Variants in ATG2A observed in about 807,000 individuals in gnomAD.
ATG2A encodes the protein autophagy-related protein 2 homolog A.
A neutral mutation model predicts 214.2 loss-of-function variants in ATG2A; 103 were observed. That is an observed-to-expected ratio of 0.48 (90% CI 0.41 to 0.57). The LOEUF is 0.57. Among genes scored for constraint, ATG2A ranks in the 20% least tolerant of loss-of-function variants. ATG2A has a pLI of 0.00. For synonymous variants in ATG2A, 1,160 were observed against 1,142.1 expected, an observed-to-expected ratio of 1.02 and a Z score of -0.32; for missense variants, 2,312 against 2,613.2, an observed-to-expected ratio of 0.88 and a Z score of 2.51.
At chr11:64,912,961 T>C (rs1292790953) in intron 6 of ATG2A, 77 bp downstream of exon 6, 1 of 1,057,260 alleles carries the variant, frequency 9.5e-7, no homozygotes, top group Non-Finnish European at 1.4e-6. Flanking sequence ...CTGTGGGCTG[T>C]AGATAATCAG....
chr11:64,916,992 G>C lies in ATG2A; in HGVS notation c.144C>G (p.Ala48=). Residue 48 remains alanine, a synonymous_variant, in exon 1 of 41, where the codon GCC becomes GCG. Transcript: ENST00000377264. ...AGATTTCCAGGTGGATGTCTCGCAGGGCAACGCTGCCCTTGTACAGATCGA... is the reference window on the plus strand; with the variant it reads ...AGATTTCCAGGTGGATGTCTCGCAGCGCAACGCTGCCCTTGTACAGATCGA... The part of the protein sequence containing the change: ...LSLDLYKGSV[A]LRDIHLEIWS... 1 of 1,613,694 alleles carries C rather than the reference G, an allele frequency of 6.2e-7. No individual in the cohort carries two copies. Among genetic ancestry groups the C allele is most frequent in the Non-Finnish European group, 8.5e-7 (1 of 1,179,998 alleles).
At position 64,894,925 on chromosome 11, in the gene ATG2A, C is replaced by T. The variant is rs764231300; in HGVS notation, c.*48G>A. ...CCCGTGGGCTGCAGCTCTTGGGAGG[C>T]TCAGGAGCATGGTGGGCAGCACCCT... On this transcript the variant is annotated 3_prime_UTR_variant, in exon 41 of 41. Coordinates refer to ENST00000377264, the MANE Select transcript of ATG2A (RefSeq NM_015104.3). 6.2e-6 allele frequency: 10 copies of T among 1,604,724 alleles called. No homozygotes were observed. The highest frequency in any genetic ancestry group is 2.7e-5 in the African/African-American group (2 of 74,838).
intron 19 of ATG2A, 22 bp downstream of exon 19, chr11:64,907,233 G>A (rs566001358): frequency 5.4e-6 from 8 of 1,469,600 alleles, no homozygotes; most frequent in Middle Eastern, 4.3e-4. Context: ...TTTGGGGCCC[G>A]CCTGCCCGGG....
At position 64,909,345 on chromosome 11, in the gene ATG2A, C is replaced by G; in HGVS notation, c.2130G>C (p.Lys710Asn). 1 of 1,613,446 alleles carries G rather than the reference C, an allele frequency of 6.2e-7. No homozygotes were observed. The highest frequency in any genetic ancestry group is 8.5e-7 in the Non-Finnish European group (1 of 1,179,984). The change falls in exon 15 of 41, where the codon AAG (lysine) becomes AAC (asparagine). Residue 710 changes from lysine (K) to asparagine (N), a missense_variant. Transcript: ENST00000377264. ...AGACACGCAGGCAAGGGACAGGTGG[C>G]TTCCCTCCATCTTCATAGATACCTG... ...DLHGIYEDGG[K>N]PPVPCLRVSK...
At chr11:64,911,578 T>G (rs994638616) in intron 9 of ATG2A, among the ~76,000 whole-genome samples, 3 of 152,214 alleles carry the variant, frequency 2.0e-5, no homozygotes, top group Admixed American at 1.3e-4. Context: ...TGGCAAAGGC[T>G]GATCTCACCC....
In ATG2A at chr11:64,900,588, C is replaced by T. The variant is rs147598848; in HGVS notation, c.4370G>A (p.Arg1457His). Residue 1457 changes from arginine to histidine, a missense_variant, in exon 31 of 41, where the codon CGC becomes CAC. Arg to His is a conservative substitution (Grantham distance 29). Transcript: ENST00000377264. ...CTGGGGCCGGTTGGGGCCAGAGCAG[C>T]GGGAAGGGGAGCTCCTGGGACCTGA... ...GLSGPRSSPS[R>H]CSGPNRPQNS... 98 of 1,612,406 alleles carry T rather than the reference C, an allele frequency of 6.1e-5. No homozygotes were observed. The highest frequency in any genetic ancestry group is 7.8e-5 in the Non-Finnish European group (92 of 1,179,574).
In ATG2A at chr11:64,902,382, G is replaced by C; in HGVS notation, c.3782C>G (p.Ser1261Trp). 2.5e-6 allele frequency: 4 copies of C among 1,571,488 alleles called. No homozygotes were observed. The highest frequency in any genetic ancestry group is 1.2e-5 in the South Asian group (1 of 86,498). The change falls in exon 28 of 41, where the codon TCG becomes TGG. Residue 1261 changes from serine (S) to tryptophan (W), a missense_variant. Coordinates refer to ENST00000377264, the MANE Select transcript of ATG2A (RefSeq NM_015104.3). ...SPTEIAGQKLSESPASLPSCP... is the reference protein window; with the variant it reads ...SPTEIAGQKLWESPASLPSCP... ...CGAGGGCAGAGAGGCAGGACTCTCC[G>C]AGAGCTGGGCCAGGCAGGGGAGGAG...
At chr11:64,904,874 G>A (rs546374041) in intron 24 of ATG2A, among the ~76,000 whole-genome samples, 1 of 150,692 alleles carries the variant, frequency 6.6e-6, no homozygotes, top group Non-Finnish European at 1.5e-5. Context: ...GTATTTATTT[G>A]AGACGGAGTC....
chr11:64,917,067 G>A lies in ATG2A; in HGVS notation c.69C>T (p.His23=), dbSNP rs778849083. The change falls in exon 1 of 41, where the codon CAC becomes CAT. Residue 23 remains histidine, a synonymous_variant. Coordinates refer to ENST00000377264, the MANE Select transcript of ATG2A (RefSeq NM_015104.3). ...GCTCTTGGAAGAAGTGACCTAAGTA[G>A]TGGTGCAGCAAGTAGCGGCAGACCC... ...KERVCRYLLH[H]YLGHFFQEHL... 6.2e-7 allele frequency: 1 copy of A among 1,613,722 alleles called. No homozygotes were observed. The highest frequency in any genetic ancestry group is 2.2e-5 in the East Asian group (1 of 44,880).
Position 64,900,989 on chromosome 11 carries a change from G to T in ATG2A, c.4223C>A (p.Ala1408Glu). The T allele has an allele frequency of 1.1e-5, 18 of 1,589,170 alleles. No individual in the cohort carries two copies. Among genetic ancestry groups the T allele is most frequent in the Non-Finnish European group, 1.5e-5 (18 of 1,168,104 alleles). The change falls in exon 30 of 41, where the codon GCA becomes GAA. Residue 1408 changes from alanine (A) to glutamate (E), a missense_variant. Ala to Glu is a moderately radical substitution (Grantham distance 107, BLOSUM62 -1). Transcript: ENST00000377264. ...GCTGGGCACTGGGAAATGGGCAGGT[G>T]CCCGCAGCAAGTCCGTGCTGCCGAT... ...RPIGSTDLLR[A>E]PAHFPVPSTR... is the part of the protein sequence containing the mutation.
In ATG2A at chr11:64,897,978, G is replaced by A. The variant is rs756204465; in HGVS notation, c.4859-4C>T. 12 of 1,562,068 alleles carry A rather than the reference G, an allele frequency of 7.7e-6. 1 individual carries two copies. Among genetic ancestry groups the A allele is most frequent in the South Asian group, 4.8e-5 (4 of 82,952 alleles). On this transcript the variant is annotated splice_region_variant and splice_polypyrimidine_tract_variant and intron_variant, in intron 34 of 40. Coordinates refer to ENST00000377264, the MANE Select transcript of ATG2A (RefSeq NM_015104.3). ...TGGGCTCGAGTCTCGGGGCGAGCTAGGGGAGGGGAGGTCACAGACTGGGGA... is the reference window on the plus strand; with the variant it reads ...TGGGCTCGAGTCTCGGGGCGAGCTAAGGGAGGGGAGGTCACAGACTGGGGA...
intron 12 of ATG2A, 138 bp downstream of exon 12, chr11:64,910,478 T>G: frequency 8.9e-7 from 1 of 1,122,290 alleles, no homozygotes; most frequent in Middle Eastern, 2.9e-4. Context: ...AGGCAGGTAT[T>G]TGAGGGCCCC....
chr11:64,901,079 TC>T lies in ATG2A; in HGVS notation c.4132del (p.Glu1378SerfsTer4). The T allele has an allele frequency of 6.4e-7, 1 of 1,567,660 alleles. No individual in the cohort carries two copies. The highest frequency in any genetic ancestry group is 8.6e-7 in the Non-Finnish European group (1 of 1,156,676). On this transcript the variant is annotated frameshift_variant, in exon 30 of 41. Coordinates refer to ENST00000377264, the MANE Select transcript of ATG2A (RefSeq NM_015104.3). LOFTEE classifies it high-confidence loss of function. ...GGGATGCAGCTGTGTCACCACAGGCTCCCCATCTCGGGGCTGCAGGGAGGCC... is the reference window on the plus strand; with the variant it reads ...GGGATGCAGCTGTGTCACCACAGGCTCCCATCTCGGGGCTGCAGGGAGGCC... ...PGLGIPPRDG[E>X]PVVTQLHPGP... is the part of the protein sequence containing the mutation.
chr11:64,904,970 C>T (rs903332774), intron 24 of ATG2A, among the ~76,000 whole-genome samples: 91 of 152,342 alleles, frequency 6.0e-4, no homozygotes, highest in African/African-American at 2.0e-3. Flanking sequence ...ATTCTCCTGC[C>T]TCAGCCTCCC....
In ATG2A at chr11:64,894,655, A is replaced by C. The variant is rs1346864046; in HGVS notation, c.*318T>G. On this transcript the variant is annotated 3_prime_UTR_variant, in exon 41 of 41. Coordinates refer to ENST00000377264, the MANE Select transcript of ATG2A (RefSeq NM_015104.3). ...ATATCATCCCCTCCTCCCCCCAGAC[A>C]CAGAAAGACACTTGGCTGAGTGGGA... is the stretch of plus-strand genomic sequence containing the variant. 1 of 640,568 alleles carries C rather than the reference A, an allele frequency of 1.6e-6. No homozygotes were observed. Among genetic ancestry groups the C allele is most frequent in the South Asian group, 1.5e-5 (1 of 66,234 alleles). 39.7% of individuals were successfully genotyped at this position (640,568 alleles called of 1,614,324 possible). A position where few individuals can be genotyped will look rare whatever the true frequency, so the allele number is the denominator to read the frequency against.
intron 12 of ATG2A, 149 bp from the exon 13 acceptor site, chr11:64,910,344 T>C (rs1163823980): frequency 3.2e-6 from 4 of 1,268,926 alleles, no homozygotes; most frequent in Non-Finnish European, 4.2e-6. Context: ...ACGCGCACAA[T>C]GTGCTTGTTT....
rs750262031 is a variant in ATG2A at position 64,902,087 on chromosome 11, C to T, written c.3994G>A (p.Gly1332Ser). Reference sequence around the variant, plus strand: ...CATGACCCTAAGCTGCCAGCAGGGCCCCCGACAGGTGGTGAAGGGGGTGGG... The same window carrying T: ...CATGACCCTAAGCTGCCAGCAGGGCTCCCGACAGGTGGTGAAGGGGGTGGG... ...GAPPPSPPVG[G>S]PAGSLGSCSE... is the part of the protein sequence containing the mutation. The change falls in exon 29 of 41, where the codon GGC becomes AGC. Residue 1332 changes from glycine (G) to serine (S), a missense_variant. By Grantham distance (56) the Gly-to-Ser change is moderately conservative (BLOSUM62 0). Transcript: ENST00000377264. The T allele has an allele frequency of 6.2e-7, 1 of 1,613,992 alleles. No homozygotes were observed. The highest frequency in any genetic ancestry group is 8.5e-7 in the Non-Finnish European group (1 of 1,180,022).
At position 64,909,330 on chromosome 11, in the gene ATG2A, G is replaced by A. The variant is rs778771759; in HGVS notation, c.2145C>T (p.Cys715=). The A allele has an allele frequency of 6.2e-7, 1 of 1,613,668 alleles. No homozygotes were observed. The highest frequency in any genetic ancestry group is 8.5e-7 in the Non-Finnish European group (1 of 1,180,008). The part of the protein sequence containing the change: ...YEDGGKPPVP[C]LRVSKALDPK... ...GGTCCAGGGCTTTGGAGACACGCAG[G>A]CAAGGGACAGGTGGCTTCCCTCCAT... Residue 715 remains cysteine (C), a synonymous_variant, in exon 15 of 41, where the codon TGC becomes TGT. Transcript: ENST00000377264.
rs1944457863 is a variant in ATG2A at position 64,904,207 on chromosome 11, CT to C, written c.3465-548del. Among the ~76,000 whole-genome samples, 3 of 151,794 alleles carry C rather than the reference CT, an allele frequency of 2.0e-5. No individual in the cohort carries two copies. The South Asian group carries it at 6.2e-4, about 32-fold the overall frequency. ...GTTGCAGCGAGCCTAGATCACACCACTGCACTCTAGCCTGGGCGACAGAGTG... is the reference window on the plus strand; with the variant it reads ...GTTGCAGCGAGCCTAGATCACACCACGCACTCTAGCCTGGGCGACAGAGTG... On this transcript the variant is annotated intron_variant, in intron 24 of 40. Coordinates refer to ENST00000377264, the MANE Select transcript of ATG2A (RefSeq NM_015104.3).
Sources: gnomAD v4.1 joint callset for allele counts (sites outside exome capture counted in the v4.1 genomes callset) on GRCh38, gnomAD v4.1.1 for gene constraint, MANE v1.5 for transcripts, NCBI Gene and HGNC (gene_info 2026-07-23, HGNC 2026-07-21) for gene names.